The following EYS variants were observed in gnomAD, a reference collection of about 807,000 sequenced individuals.
The protein encoded by EYS is EGF-like photoreceptor maintenance factor.
In EYS, 250 loss-of-function variants were observed where a neutral mutation model predicts 282.1. That is an observed-to-expected ratio of 0.89 (90% confidence interval 0.80 to 0.98). The LOEUF is 0.98. Ranked by LOEUF, EYS falls within the 50% of genes least tolerant of loss-of-function variation. The pLI is 0.00. For synonymous variants in EYS, 1,355 were observed against 1,282.9 expected (o/e 1.06, Z -1.20); for missense variants, 4,016 against 3,709.0 (o/e 1.08, Z -2.15).
At chr6:64,723,234 C>G (rs535060322) in intron 22 of EYS, among the ~76,000 whole-genome samples, 5 of 152,256 alleles carry the variant, frequency 3.3e-5, no homozygotes, top group African/African-American at 9.6e-5. Flanking sequence ...CATTCCTTGT[C>G]ATTATCCTTG....
intron 29 of EYS, among the ~76,000 whole-genome samples, chr6:64,324,544 T>C (rs1192031668): frequency 6.6e-6 from 1 of 152,112 alleles, no homozygotes; most frequent in Non-Finnish European, 1.5e-5. Flanking sequence ...GGCAAAAGCT[T>C]TCCCCTTGAG....
chr6:65,561,278 C>T (rs1250816119), intron 2 of EYS, among the ~76,000 whole-genome samples: 1 of 152,096 alleles, frequency 6.6e-6, no homozygotes, highest in Non-Finnish European at 1.5e-5. Flanking sequence ...ACATTACACT[C>T]TATAACACAA....
At chr6:65,206,007 G>C (rs2150248890) in intron 12 of EYS, among the ~76,000 whole-genome samples, 1 of 151,768 alleles carries the variant, frequency 6.6e-6, no homozygotes, top group South Asian at 2.1e-4. Flanking sequence ...CAAAGTCAAA[G>C]CTCGCAGAAG....
chr6:64,478,239 G>A (rs959406618), intron 26 of EYS, among the ~76,000 whole-genome samples: 12 of 151,746 alleles, frequency 7.9e-5, no homozygotes, highest in Admixed American at 6.6e-4. Context: ...AATATATTAT[G>A]TTTTCAATCA....
intron 22 of EYS, among the ~76,000 whole-genome samples, chr6:64,713,035 CA>C (rs1379211415): frequency 2.0e-5 from 3 of 152,146 alleles, no homozygotes; most frequent in Non-Finnish European, 4.4e-5. Flanking sequence ...TTCAAGCACC[CA>C]CAGGTCCCTA....
intron 2 of EYS, among the ~76,000 whole-genome samples, chr6:65,593,191 C>T (rs183015854): frequency 1.3e-5 from 2 of 152,152 alleles, no homozygotes; most frequent in African/African-American, 4.8e-5. Flanking sequence ...TAAATGTCAT[C>T]TGTCTTTCCA....
chr6:64,758,482 A>T (rs1773050107), intron 22 of EYS, among the ~76,000 whole-genome samples: 1 of 152,100 alleles, frequency 6.6e-6, no homozygotes, highest in Non-Finnish European at 1.5e-5. Flanking sequence ...CTACAAAGGA[A>T]AGAGTTTACG....
chr6:65,355,985 G>T (rs79713858), intron 8 of EYS, among the ~76,000 whole-genome samples: 1 of 152,046 alleles, frequency 6.6e-6, no homozygotes, highest in African/African-American at 2.4e-5. Context: ...GGATATCTGC[G>T]CAAAGGAAAA....
intron 32 of EYS, among the ~76,000 whole-genome samples, chr6:64,073,084 G>C (rs1308879037): frequency 6.6e-6 from 1 of 151,836 alleles, no homozygotes; most frequent in Non-Finnish European, 1.5e-5. Flanking sequence ...GACTGTAGCT[G>C]CTTTATTGTA....
chr6:64,540,691 C>T (rs1206510731), intron 26 of EYS, among the ~76,000 whole-genome samples: 1 of 151,962 alleles, frequency 6.6e-6, no homozygotes, highest in East Asian at 1.9e-4. Context: ...GCCATGTTGG[C>T]CAGGCTGGTC....
chr6:64,503,056 T>C (rs896400794), intron 26 of EYS, among the ~76,000 whole-genome samples: 1 of 152,252 alleles, frequency 6.6e-6, no homozygotes, highest in Non-Finnish European at 1.5e-5. Context: ...GTTATTTTAT[T>C]AGCATGAGCT....
At position 65,344,189 on chromosome 6, in the gene EYS, A is replaced by G. The variant is rs765588397; in HGVS notation, c.1460-12T>C. On this transcript the variant is annotated splice_polypyrimidine_tract_variant and intron_variant, in intron 9 of 42. Coordinates refer to ENST00000503581, the MANE Select transcript of EYS (RefSeq NM_001142800.2). ...TTCGCCTTCAGATCCTTTAAAAAAA[A>G]AGAGATAAAAAATTAAATAAACTCT... 8 of 1,595,618 alleles carry G rather than the reference A, an allele frequency of 5.0e-6. No homozygotes were observed. Among genetic ancestry groups the G allele is most frequent in the East Asian group, 4.5e-5 (2 of 44,336 alleles).
At chr6:65,456,448 CAAA>C (rs5876965) in intron 5 of EYS, among the ~76,000 whole-genome samples, 1 of 129,968 alleles carries the variant, frequency 7.7e-6, no homozygotes, top group Non-Finnish European at 1.7e-5. Context: ...GACTCTGTCT[CAAA>C]AAAAAAAAAA....
chr6:64,423,402 G>A (rs1274082711), intron 28 of EYS, among the ~76,000 whole-genome samples: 2 of 152,152 alleles, frequency 1.3e-5, no homozygotes, highest in African/African-American at 4.8e-5. Context: ...TATAAGTTTA[G>A]TATATTCAAA....
intron 36 of EYS, among the ~76,000 whole-genome samples, chr6:63,863,973 C>T (rs116347190): frequency 1.5e-3 from 230 of 152,254 alleles, no homozygotes; most frequent in African/African-American, 5.3e-3. Flanking sequence ...TGTACCTAGC[C>T]ACCACTTTTG....
intron 26 of EYS, among the ~76,000 whole-genome samples, chr6:64,552,054 G>A (rs1213046446): frequency 1.3e-5 from 2 of 152,046 alleles, no homozygotes; most frequent in African/African-American, 4.8e-5. Flanking sequence ...ACAGGCATGA[G>A]CCACTGCACA....
At chr6:65,306,086 A>G (rs945169966) in intron 11 of EYS, among the ~76,000 whole-genome samples, 13 of 152,318 alleles carry the variant, frequency 8.5e-5, no homozygotes, top group African/African-American at 3.1e-4. Flanking sequence ...TGGAAATAAT[A>G]GTCTTGAAAG....
intron 12 of EYS, among the ~76,000 whole-genome samples, chr6:65,087,559 G>T (rs1221731776): frequency 6.6e-6 from 1 of 151,888 alleles, no homozygotes; most frequent in African/African-American, 2.4e-5. Context: ...ATATTAATTG[G>T]AAGACTCAGC....
At chr6:65,175,749 G>A (rs1370990638) in intron 12 of EYS, among the ~76,000 whole-genome samples, 1 of 151,348 alleles carries the variant, frequency 6.6e-6, no homozygotes, top group East Asian at 2.0e-4. Context: ...GAATGACACT[G>A]AGTCAAAAGT....
Sources: gnomAD v4.1 joint callset for allele counts (sites outside exome capture counted in the v4.1 genomes callset) on GRCh38, gnomAD v4.1.1 for gene constraint, MANE v1.5 for transcripts, NCBI Gene and HGNC (gene_info 2026-07-23, HGNC 2026-07-21) for gene names.